Variants in SEMA3D observed in about 807,000 individuals in gnomAD.
The protein encoded by SEMA3D is semaphorin 3D.
Under a neutral mutation model 100.1 loss-of-function variants are expected in SEMA3D, and 84 were observed. That is an observed-to-expected ratio of 0.84 (90% confidence interval 0.70 to 1.01). The LOEUF is 1.01. SEMA3D is among the 50% of genes least tolerant of loss of function. The pLI is 0.00. For synonymous variants in SEMA3D, 312 were observed against 320.7 expected (o/e 0.97, Z 0.29); for missense variants, 875 against 934.1 (o/e 0.94, Z 0.82).
the SEMA3D span, among the ~76,000 whole-genome samples, chr7:85,197,585 C>T: frequency 3.6e-4 from 55 of 152,062 alleles, no homozygotes; most frequent in African/African-American, 1.3e-3. Flanking sequence ...AGCTGCACCC[C>T]GACCACCTTG....
intron 2 of SEMA3D, among the ~76,000 whole-genome samples, chr7:85,148,669 A>T (rs62462192): frequency 6.6e-6 from 1 of 152,032 alleles, no homozygotes; most frequent in Non-Finnish European, 1.5e-5. Flanking sequence ...TCTCAGTACA[A>T]TACATCTCAC....
At chr7:85,093,941 C>T (rs887922519) in intron 4 of SEMA3D, among the ~76,000 whole-genome samples, 6 of 151,712 alleles carry the variant, frequency 4.0e-5, no homozygotes, top group African/African-American at 7.3e-5. Flanking sequence ...TTAAATTTCC[C>T]GAGGGTGAGG....
chr7:85,241,541 C>G, the SEMA3D span, among the ~76,000 whole-genome samples: 2 of 142,830 alleles, frequency 1.4e-5, no homozygotes, highest in East Asian at 4.9e-4. Context: ...TTTGCAGCAA[C>G]CTGGATGGGA....
At chr7:85,165,151 C>T (rs1790866544) in intron 1 of SEMA3D, among the ~76,000 whole-genome samples, 1 of 151,780 alleles carries the variant, frequency 6.6e-6, no homozygotes, top group Non-Finnish European at 1.5e-5. Flanking sequence ...ACCAACATGG[C>T]ACATGTATAC....
chr7:85,025,515 GT>G (rs1790368703), intron 12 of SEMA3D, among the ~76,000 whole-genome samples: 1 of 151,950 alleles, frequency 6.6e-6, no homozygotes, highest in Non-Finnish European at 1.5e-5. Context: ...GAGAAAAATG[GT>G]TTTTATCCAA....
chr7:85,187,757 A>G (rs982457062), upstream of SEMA3D, among the ~76,000 whole-genome samples: 1 of 152,214 alleles, frequency 6.6e-6, no homozygotes, highest in African/African-American at 2.4e-5. Flanking sequence ...GATCCTCTTT[A>G]AGCAAAAGTA....
the SEMA3D span, among the ~76,000 whole-genome samples, chr7:85,203,894 T>C: frequency 7.2e-5 from 11 of 152,112 alleles, no homozygotes; most frequent in Non-Finnish European, 1.5e-4. Context: ...CAATACCATA[T>C]GTTAGAAGTG....
intron 2 of SEMA3D, among the ~76,000 whole-genome samples, chr7:85,149,890 A>G (rs13438654): frequency 0.043 from 6,583 of 152,268 alleles, 247 homozygotes; most frequent in African/African-American, 0.095. Flanking sequence ...CTCACTATTT[A>G]TCAGACACTG....
chr7:85,206,357 T>A, the SEMA3D span, among the ~76,000 whole-genome samples: 1 of 152,134 alleles, frequency 6.6e-6, no homozygotes, highest in Non-Finnish European at 1.5e-5. Context: ...CAAGCTTGAC[T>A]CTGAACATAT....
intron 4 of SEMA3D, among the ~76,000 whole-genome samples, chr7:85,088,557 T>C (rs1019973484): frequency 1.3e-5 from 2 of 152,192 alleles, no homozygotes; most frequent in Non-Finnish European, 1.5e-5. Context: ...TGCTATATGA[T>C]ACAAGGATTT....
the SEMA3D span, among the ~76,000 whole-genome samples, chr7:85,206,487 G>T: frequency 6.6e-6 from 1 of 151,960 alleles, no homozygotes; most frequent in Non-Finnish European, 1.5e-5. Flanking sequence ...TCTTTTCCTA[G>T]AAATTATTTC....
intron 5 of SEMA3D, among the ~76,000 whole-genome samples, chr7:85,075,713 C>T (rs895813133): frequency 6.6e-6 from 1 of 152,200 alleles, no homozygotes; most frequent in Admixed American, 6.5e-5. Context: ...GGATAGTTCT[C>T]TAAGCAGCCT....
At chr7:85,248,225 AT>A in the SEMA3D span, among the ~76,000 whole-genome samples, 1 of 152,114 alleles carries the variant, frequency 6.6e-6, no homozygotes, top group Non-Finnish European at 1.5e-5. Flanking sequence ...GTGAAAAGAC[AT>A]TGTAGGCCAG....
intron 2 of SEMA3D, among the ~76,000 whole-genome samples, chr7:85,128,098 A>G (rs1162653159): frequency 6.6e-6 from 1 of 151,816 alleles, no homozygotes; most frequent in Admixed American, 6.6e-5. Context: ...AAGGAAAATT[A>G]TTATATTTTC....
intron 2 of SEMA3D, among the ~76,000 whole-genome samples, chr7:85,137,214 G>T (rs1789892408): frequency 6.6e-6 from 1 of 151,754 alleles, no homozygotes; most frequent in Admixed American, 6.6e-5. Context: ...AAATAGAGAA[G>T]TAACATGTAT....
intron 1 of SEMA3D, among the ~76,000 whole-genome samples, chr7:85,165,157 T>A (rs932416209): frequency 9.9e-5 from 15 of 151,918 alleles, no homozygotes; most frequent in African/African-American, 3.4e-4. Flanking sequence ...ATGGCACATG[T>A]ATACATGTGT....
At chr7:85,158,341 G>A (rs756844980) in intron 1 of SEMA3D, among the ~76,000 whole-genome samples, 1 of 152,120 alleles carries the variant, frequency 6.6e-6, no homozygotes, top group Non-Finnish European at 1.5e-5. Flanking sequence ...CCTGAGGGGA[G>A]GCCTCGAAAA....
At chr7:85,237,956 C>T in the SEMA3D span, among the ~76,000 whole-genome samples, 1 of 152,152 alleles carries the variant, frequency 6.6e-6, no homozygotes, top group Admixed American at 6.5e-5. Flanking sequence ...TGGATTTTGG[C>T]CATTCTAAAA....
chr7:85,231,437 T>C, the SEMA3D span, among the ~76,000 whole-genome samples: 607 of 32,310 alleles, frequency 0.019, 2 homozygotes, highest in Non-Finnish European at 0.022. Flanking sequence ...AATCTTTCCC[T>C]TTTTTTTTTT....
Sources: gnomAD v4.1 joint callset for allele counts (sites outside exome capture counted in the v4.1 genomes callset) on GRCh38, gnomAD v4.1.1 for gene constraint, MANE v1.5 for transcripts, NCBI Gene and HGNC (gene_info 2026-07-23, HGNC 2026-07-21) for gene names.